The following SCNN1G variants were observed in gnomAD, a reference collection of about 807,000 sequenced individuals.
SCNN1G encodes the protein sodium channel epithelial 1 subunit gamma.
In SCNN1G, 27 loss-of-function variants were observed where a neutral mutation model predicts 64.6. The ratio of observed to expected loss-of-function variants is 0.42; its 90% CI spans 0.31 to 0.58. The LOEUF (loss-of-function observed/expected upper bound fraction) is 0.58, where lower values mean the gene tolerates loss of function less well. Ranked by LOEUF, SCNN1G falls within the 20% of genes least tolerant of loss-of-function variation. The probability of loss-of-function intolerance (pLI) is 0.18; values close to 1 mark genes in which losing one functional copy is unlikely to be tolerated. For missense variants in SCNN1G, 743 were observed against 823.4 expected (o/e 0.90, Z 1.19); for synonymous variants, 330 against 314.2 (o/e 1.05, Z -0.53).
intron 6 of SCNN1G, among the ~76,000 whole-genome samples, chr16:23,200,711 G>T (rs983925759): frequency 6.6e-6 from 1 of 152,216 alleles, no homozygotes; most frequent in African/African-American, 2.4e-5. Context: ...CTATGAAGAA[G>T]AAATGTAAGA....
At position 23,213,917 on chromosome 16, in the gene SCNN1G, T is replaced by G. The variant is rs1375223121; in HGVS notation, c.1493+754T>G. 2.6e-5 allele frequency among the ~76,000 whole-genome samples: 4 copies of G among 152,204 alleles called. No individual in the cohort carries two copies. The East Asian group carries it at 5.8e-4, about 22-fold the overall frequency. On this transcript the variant is annotated intron_variant, in intron 11 of 12. Transcript: ENST00000300061. ...ACTGATCCTTGGCCCAAATCTAGCC[T>G]CATGAAAGCAACCCATTATTTCCAA...
chr16:23,196,595 T>C (rs1260385428), intron 5 of SCNN1G: 1 of 154,782 alleles, frequency 6.5e-6, no homozygotes, highest in African/African-American at 2.4e-5. Flanking sequence ...GACATTCAAT[T>C]TGTAAACAAG....
chr16:23,203,250 T>G (rs867934374), intron 6 of SCNN1G, among the ~76,000 whole-genome samples: 12 of 151,946 alleles, frequency 7.9e-5, no homozygotes, highest in Non-Finnish European at 1.5e-4. Flanking sequence ...TATGCCAGAG[T>G]TGTTTTCAGT....
At chr16:23,192,984 G>A (rs751617361) in intron 4 of SCNN1G, among the ~76,000 whole-genome samples, 10 of 144,606 alleles carry the variant, frequency 6.9e-5, no homozygotes, top group Admixed American at 7.3e-5. Flanking sequence ...CAGAAGAATC[G>A]CTTGAACCCG....
At chr16:23,214,910 T>C (rs1960135054) in intron 12 of SCNN1G, 123 bp downstream of exon 12, 3 of 1,091,856 alleles carry the variant, frequency 2.7e-6, no homozygotes, top group Non-Finnish European at 4.2e-6. Context: ...TGTTGTAGGC[T>C]AGCCAGGTCT....
At chr16:23,203,566 T>C (rs1287292999) in intron 6 of SCNN1G, among the ~76,000 whole-genome samples, 1 of 151,432 alleles carries the variant, frequency 6.6e-6, no homozygotes, top group East Asian at 2.0e-4. Context: ...GTCAGGAGAT[T>C]GAGACCATCC....
chr16:23,197,160 A>T, intron 5 of SCNN1G, 104 bp from the exon 6 acceptor site: 1 of 917,338 alleles, frequency 1.1e-6, no homozygotes, highest in Non-Finnish European at 1.8e-6. Context: ...TGCTAGAAAT[A>T]CCTGGTCTTG....
At chr16:23,203,250 T>C (rs867934374) in intron 6 of SCNN1G, among the ~76,000 whole-genome samples, 2 of 151,946 alleles carry the variant, frequency 1.3e-5, no homozygotes, top group Non-Finnish European at 2.9e-5. Flanking sequence ...TATGCCAGAG[T>C]TGTTTTCAGT....
In SCNN1G at chr16:23,212,733, G is replaced by C. The variant is rs2141945071; in HGVS notation, c.1350G>C (p.Gln450His). ...RAFVQEELGC[Q>H]SVCKEACSFK... Reference sequence around the variant, plus strand: ...TTGTCCAGGAAGAGCTGGGCTGCCAGTCTGTGTGCAAGGAAGCCTGCAGGT... The same window carrying C: ...TTGTCCAGGAAGAGCTGGGCTGCCACTCTGTGTGCAAGGAAGCCTGCAGGT... Residue 450 changes from glutamine (Q) to histidine (H), a missense_variant, in exon 9 of 13, where the codon CAG (glutamine) becomes CAC (histidine). Transcript: ENST00000300061. The C allele has an allele frequency of 6.2e-7, 1 of 1,614,206 alleles. No individual in the cohort carries two copies. Among genetic ancestry groups the C allele is most frequent in the Non-Finnish European group, 8.5e-7 (1 of 1,180,028 alleles).
chr16:23,194,404 C>T (rs914084202), intron 5 of SCNN1G, 130 bp downstream of exon 5: 16 of 712,870 alleles, frequency 2.2e-5, no homozygotes, highest in Non-Finnish European at 3.6e-5. Flanking sequence ...CCAGGGATGC[C>T]CCTTTTTCTA....
At chr16:23,203,611 A>T in intron 6 of SCNN1G, among the ~76,000 whole-genome samples, 1 of 151,820 alleles carries the variant, frequency 6.6e-6, no homozygotes, top group Non-Finnish European at 1.5e-5. Context: ...TCTACTAAAA[A>T]TACAAAAAAT....
intron 2 of SCNN1G, 28 bp from the exon 3 acceptor site, chr16:23,189,343 C>G (rs1258347967): frequency 6.8e-6 from 11 of 1,610,910 alleles, no homozygotes; most frequent in Non-Finnish European, 9.3e-6. Flanking sequence ...CCTCCCCTCT[C>G]CCTGACTTTT....
chr16:23,197,327 G>A lies in SCNN1G; in HGVS notation c.977G>A (p.Gly326Glu). 6.2e-7 allele frequency: 1 copy of A among 1,613,830 alleles called. No homozygotes were observed. The highest frequency in any genetic ancestry group is 8.5e-7 in the Non-Finnish European group (1 of 1,179,708). The part of the protein sequence containing the change: ...EYNPFLVSST[G>E]AKVIIHRQDE... The stretch of plus-strand genomic sequence containing the variant: ...AACCCATTCCTCGTGTCCTCCACTG[G>A]AGCTAAGGTGATCATCCATCGGCAG... Residue 326 changes from glycine (G) to glutamate (E), a missense_variant, in exon 6 of 13, where the codon GGA (glycine) becomes GAA (glutamate). By Grantham distance (98) the Gly-to-Glu change is moderately conservative. Coordinates refer to ENST00000300061, the MANE Select transcript of SCNN1G (RefSeq NM_001039.4).
chr16:23,189,809 T>C, intron 3 of SCNN1G, 138 bp downstream of exon 3: 1 of 923,700 alleles, frequency 1.1e-6, no homozygotes. Context: ...CAGTGACTCA[T>C]GCTTGTAATC....
intron 6 of SCNN1G, among the ~76,000 whole-genome samples, chr16:23,207,958 C>A (rs895753788): frequency 6.6e-6 from 1 of 152,088 alleles, no homozygotes; most frequent in African/African-American, 2.4e-5. Context: ...TTTCTCTTTA[C>A]CCCCATCTCC....
intron 6 of SCNN1G, among the ~76,000 whole-genome samples, chr16:23,205,872 C>A (rs1959982169): frequency 6.6e-6 from 1 of 152,132 alleles, no homozygotes; most frequent in African/African-American, 2.4e-5. Context: ...AAGAAAAGCC[C>A]CCCACCCACC....
chr16:23,188,837 A>T (rs1959656404), intron 2 of SCNN1G, among the ~76,000 whole-genome samples: 1 of 152,086 alleles, frequency 6.6e-6, no homozygotes, highest in Admixed American at 6.6e-5. Context: ...AAATTAAAAG[A>T]TGGTATATTG....
chr16:23,208,004 C>T (rs1960018077), intron 6 of SCNN1G, among the ~76,000 whole-genome samples: 1 of 152,186 alleles, frequency 6.6e-6, no homozygotes, highest in South Asian at 2.1e-4. Context: ...TACATGGGCA[C>T]GTGGATGCAC....
chr16:23,198,610 G>A (rs894589697), intron 6 of SCNN1G, among the ~76,000 whole-genome samples: 2 of 150,886 alleles, frequency 1.3e-5, no homozygotes, highest in African/African-American at 2.4e-5. Context: ...TGGTGGCACA[G>A]GCCTGTAGTC....
Sources: allele counts gnomAD v4.1 joint callset (sites outside exome capture counted in the v4.1 genomes callset), GRCh38; gene constraint gnomAD v4.1.1; transcripts MANE v1.5; gene names NCBI Gene and HGNC (gene_info 2026-07-23, HGNC 2026-07-21).